CITED1: variants seen among roughly 807,000 people sequenced by gnomAD.
CITED1 encodes cbp/p300-interacting transactivator 1.
Under a neutral mutation model 8.5 loss-of-function variants are expected in CITED1, and 3 were observed. The ratio of observed to expected loss-of-function variants is 0.35; its 90% CI spans 0.16 to 0.91. The LOEUF is 0.91. Ranked by LOEUF, CITED1 falls within the 40% of genes least tolerant of loss-of-function variation. The pLI, the probability that CITED1 is intolerant of heterozygous loss-of-function variation, is 0.46. For missense variants in CITED1, 113 were observed against 154.8 expected (o/e 0.73, Z 1.43); for synonymous variants, 54 against 67.4 (o/e 0.80, Z 0.97).
chrX:72,306,776 G>A (rs1202335761), upstream of CITED1: 2 of 103,265 alleles, frequency 1.9e-5, no homozygotes, highest in Non-Finnish European at 4.0e-5. Context: ...TGGCGGTGGC[G>A]GCCACCGCGC....
chrX:72,305,491 C>T, intron 1 of CITED1: 1 of 432,670 alleles, frequency 2.3e-6, no homozygotes, highest in Non-Finnish European at 4.0e-6. Context: ...GCCGCGGAAC[C>T]GGGGGCGGCC....
In CITED1 at chrX:72,301,959, C is replaced by G. The variant is rs774180523; in HGVS notation, c.346G>C (p.Gly116Arg). ...GMAAATPGQP[G>R]EAGPLQNWDF... is the part of the protein sequence containing the mutation. Reference sequence around the variant, plus strand: ...CAGTTTTGCAGGGGTCCTGCCTCCCCGGGTTGGCCTGGAGTGGCAGCAGCC... The same window carrying G: ...CAGTTTTGCAGGGGTCCTGCCTCCCGGGGTTGGCCTGGAGTGGCAGCAGCC... The change falls in exon 3 of 3, where the codon GGG becomes CGG. Residue 116 changes from glycine (G) to arginine (R), a missense_variant. By Grantham distance (125) the Gly-to-Arg change is moderately radical (BLOSUM62 -2). Transcript: ENST00000651998. The G allele has an allele frequency of 3.3e-6, 4 of 1,210,630 alleles. No homozygotes were observed. The highest frequency in any genetic ancestry group is 4.5e-6 in the Non-Finnish European group (4 of 895,307).
intron 1 of CITED1, chrX:72,305,397 G>C: frequency 1.1e-6 from 1 of 878,475 alleles, no homozygotes; most frequent in Non-Finnish European, 1.6e-6. Flanking sequence ...GCTCTAACCA[G>C]ACCAGTCAGT....
chrX:72,304,812 T>C (rs1014138061), intron 1 of CITED1, among the ~76,000 whole-genome samples: 11 of 112,268 alleles, frequency 9.8e-5, no homozygotes, highest in Non-Finnish European at 1.9e-4. Context: ...TCCATTCAGA[T>C]CTTCTGCCTT....
Position 72,301,772 on chromosome X carries a change from A to G in CITED1, c.533T>C (p.Leu178Pro), listed in dbSNP as rs747433008. Residue 178 changes from leucine (L) to proline (P), a missense_variant, in exon 3 of 3, where the codon CTG becomes CCG. Transcript: ENST00000651998. ...DRANELPELW[L>P]GQNEFDFTAD... ...AGTGAAGTCAAACTCATTCTGCCCC[A>G]GCCACAGCTCCGGAAGCTCATTGGC... 8.2e-7 allele frequency: 1 copy of G among 1,212,290 alleles called. No individual in the cohort carries two copies. Among genetic ancestry groups the G allele is most frequent in the Non-Finnish European group, 1.1e-6 (1 of 895,631 alleles).
chrX:72,304,600 G>T (rs964950839), intron 1 of CITED1, among the ~76,000 whole-genome samples: 1 of 111,111 alleles, frequency 9.0e-6, no homozygotes, highest in Non-Finnish European at 1.9e-5. Flanking sequence ...CCTTTTTGCC[G>T]CTTGGTACCC....
chrX:72,303,290 C>G (rs1323785115), intron 1 of CITED1, among the ~76,000 whole-genome samples: 2 of 112,895 alleles, frequency 1.8e-5, no homozygotes, highest in Non-Finnish European at 3.7e-5. Flanking sequence ...GAGTAAGCAA[C>G]ATATTGTCTC....
rs761906010 is a variant in CITED1 at position 72,301,695 on chromosome X, A to G, written c.*28T>C. On this transcript the variant is annotated 3_prime_UTR_variant, in exon 3 of 3. Coordinates refer to ENST00000651998, the MANE Select transcript of CITED1 (RefSeq NM_001144887.2). The stretch of plus-strand genomic sequence containing the variant: ...TATTTACAACAGAATTGGTGGCTTT[A>G]TTCCTCCATCTTTAGGGACACTTGG... 8.3e-7 allele frequency: 1 copy of G among 1,203,178 alleles called. No homozygotes were observed. Among genetic ancestry groups the G allele is most frequent in the Non-Finnish European group, 1.1e-6 (1 of 889,974 alleles).
Position 72,302,150 on chromosome X carries a change from G to A in CITED1, c.155C>T (p.Ser52Leu), listed in dbSNP as rs747897380. Residue 52 changes from serine to leucine, a missense_variant, in exon 3 of 3, where the codon TCA becomes TTA. By Grantham distance (145) the Ser-to-Leu change is moderately radical (BLOSUM62 -2). Transcript: ENST00000651998. ...VAILHYPGVA[S>L]NGTKASGAPT... ...AGCCCCACTGGCCTTGGTTCCATTT[G>A]AGGCTACCCCAGGGTAGTGCAGAAT... 21 of 1,195,702 alleles carry A rather than the reference G, an allele frequency of 1.8e-5. No homozygotes were observed. Among genetic ancestry groups the A allele is most frequent in the Non-Finnish European group, 1.1e-5 (10 of 887,493 alleles).
intron 1 of CITED1, chrX:72,305,596 G>T: frequency 3.8e-6 from 1 of 262,498 alleles, no homozygotes; most frequent in Non-Finnish European, 6.7e-6. Flanking sequence ...TGATCTTAGA[G>T]ACAGGATGGA....
chrX:72,305,330 C>T (rs1345973406), intron 1 of CITED1: 9 of 1,163,813 alleles, frequency 7.7e-6, no homozygotes, highest in Non-Finnish European at 1.0e-5. Flanking sequence ...TTGCTATTTT[C>T]TCACTCAGAA....
In CITED1 at chrX:72,302,732, A is replaced by G. The variant is rs935390247; in HGVS notation, c.60+78T>C. 45 of 880,055 alleles carry G rather than the reference A, an allele frequency of 5.1e-5. 1 individual carries two copies. The African/African-American group carries it at 7.7e-4, about 15-fold the overall frequency. The allele number at this position is 880,055 out of a possible 1,213,427, so 72.5% of individuals were successfully genotyped here. On this transcript the variant is annotated intron_variant, in intron 2 of 2. Coordinates refer to ENST00000651998, the MANE Select transcript of CITED1 (RefSeq NM_001144887.2). ...CCTCTCTGCTCAAGGACACTGGGTA[A>G]TGCACCTAGGAGGGCCTGGCCCATG...
At chrX:72,303,028 A>G (rs1317562565) in intron 1 of CITED1, 94 bp from the exon 2 acceptor site, 2 of 1,036,799 alleles carry the variant, frequency 1.9e-6, no homozygotes, top group Non-Finnish European at 2.6e-6. Flanking sequence ...CCACGCAGCT[A>G]TGAGGCAAGG....
At chrX:72,306,237 G>C (rs1006976255), upstream of CITED1, among the ~76,000 whole-genome samples, 4 of 111,322 alleles carry the variant, frequency 3.6e-5, 1 homozygote, top group South Asian at 1.1e-3. Context: ...CCGTCTCCCC[G>C]GGAGAAGCGG....
intron 1 of CITED1, 85 bp from the exon 2 acceptor site, chrX:72,303,019 C>G: frequency 9.2e-7 from 1 of 1,082,659 alleles, no homozygotes; most frequent in South Asian, 2.1e-5. Flanking sequence ...AGGGCAATGC[C>G]ACGCAGCTAT....
chrX:72,305,198 C>G (rs1280133703), intron 1 of CITED1: 1 of 807,189 alleles, frequency 1.2e-6, no homozygotes, highest in South Asian at 2.4e-5. Context: ...AGCCCCCTCC[C>G]GCCTAGACAG....
chrX:72,302,539 C>T (rs2043299491), intron 2 of CITED1, among the ~76,000 whole-genome samples: 1 of 112,259 alleles, frequency 8.9e-6, no homozygotes, highest in Non-Finnish European at 1.9e-5. Context: ...AGGGCACCTC[C>T]TGTCCCTCTT....
chrX:72,305,331 T>G (rs1459189556), intron 1 of CITED1: 2 of 1,163,557 alleles, frequency 1.7e-6, no homozygotes, highest in Admixed American at 2.6e-5. Flanking sequence ...TGCTATTTTC[T>G]CACTCAGAAG....
intron 1 of CITED1, 150 bp from the exon 2 acceptor site, chrX:72,303,084 G>A: frequency 2.5e-6 from 2 of 788,555 alleles, no homozygotes; most frequent in Non-Finnish European, 3.5e-6. Flanking sequence ...CCGAGCACAG[G>A]GAGGAGATCA....
Sources: allele counts gnomAD v4.1 joint callset (sites outside exome capture counted in the v4.1 genomes callset), GRCh38; gene constraint gnomAD v4.1.1; transcripts MANE v1.5; gene names NCBI Gene and HGNC (gene_info 2026-07-23, HGNC 2026-07-21).